The following SIPA1L2 variants were observed in gnomAD, a reference collection of about 807,000 sequenced individuals.
SIPA1L2 encodes signal induced proliferation associated 1 like 2, also known as signal-induced proliferation-associated 1-like protein 2.
SIPA1L2 carries 56 observed loss-of-function variants against 163.9 expected under a neutral mutation model. The observed-to-expected ratio is 0.34, with a 90% CI of 0.28 to 0.43. SIPA1L2 has a LOEUF of 0.43. SIPA1L2 is among the 20% of genes least tolerant of loss of function. The probability of loss-of-function intolerance (pLI) is 1.00; values close to 1 mark genes in which losing one functional copy is unlikely to be tolerated. For synonymous variants in SIPA1L2, 877 were observed against 865.7 expected (o/e 1.01, Z -0.23); for missense variants, 1,974 against 2,193.5 (o/e 0.90, Z 2.00).
intron 1 of SIPA1L2, among the ~76,000 whole-genome samples, chr1:232,620,291 G>T (rs765697801): frequency 2.6e-5 from 4 of 152,204 alleles, no homozygotes; most frequent in African/African-American, 4.8e-5. Context: ...GACAAGGAAA[G>T]CAAGTGCATA....
chr1:232,582,009 A>G (rs563530789), intron 1 of SIPA1L2, among the ~76,000 whole-genome samples: 1 of 152,356 alleles, frequency 6.6e-6, no homozygotes, highest in Admixed American at 6.5e-5. Context: ...ACTTCTTGAT[A>G]GATATGTCTG....
chr1:232,459,218 A>G lies in SIPA1L2; in HGVS notation c.3095+1669T>C, dbSNP rs573062453. On this transcript the variant is annotated intron_variant, in intron 10 of 22. Coordinates refer to ENST00000674635, the MANE Select transcript of SIPA1L2 (RefSeq NM_020808.5). ...GGCAGCCACTAGCAACACGTGGCCA[A>G]TTAAATGTAAATTAATTAAAAGGAA... 2.0e-5 allele frequency among the ~76,000 whole-genome samples: 3 copies of G among 152,372 alleles called. No homozygotes were observed. In the South Asian group the frequency reaches 6.2e-4, roughly 32 times the overall value.
intron 9 of SIPA1L2, among the ~76,000 whole-genome samples, chr1:232,461,449 C>T (rs1356529431): frequency 6.6e-6 from 1 of 152,224 alleles, no homozygotes; most frequent in Non-Finnish European, 1.5e-5. Context: ...ATACAGGTGT[C>T]CTGCTTTCTT....
chr1:232,406,748 C>T (rs554401040), intron 19 of SIPA1L2, among the ~76,000 whole-genome samples: 3 of 152,140 alleles, frequency 2.0e-5, no homozygotes, highest in Non-Finnish European at 4.4e-5. Flanking sequence ...GTCTGATCAA[C>T]GCGTCATGTC....
At chr1:232,478,605 G>A (rs772571294) in intron 7 of SIPA1L2, among the ~76,000 whole-genome samples, 1 of 152,122 alleles carries the variant, frequency 6.6e-6, no homozygotes, top group Non-Finnish European at 1.5e-5. Context: ...TGTAGTCCTT[G>A]GTGCTTTAAT....
chr1:232,490,550 G>C (rs1295995357), intron 5 of SIPA1L2: 2 of 243,800 alleles, frequency 8.2e-6, no homozygotes, highest in African/African-American at 4.6e-5. Flanking sequence ...TCAGGAAAAG[G>C]GCCATAAGAG....
At chr1:232,418,576 G>A (rs1049320283) in intron 18 of SIPA1L2, among the ~76,000 whole-genome samples, 1 of 152,154 alleles carries the variant, frequency 6.6e-6, no homozygotes, top group Non-Finnish European at 1.5e-5. Flanking sequence ...TACCCCCTAC[G>A]CAATGCATGC....
intron 2 of SIPA1L2, among the ~76,000 whole-genome samples, chr1:232,559,991 G>C (rs1339246139): frequency 6.6e-6 from 1 of 152,168 alleles, no homozygotes; most frequent in Non-Finnish European, 1.5e-5. Flanking sequence ...TTTCCTTCCT[G>C]TCGGTTCCCC....
chr1:232,491,867 A>C (rs902011479), intron 4 of SIPA1L2, among the ~76,000 whole-genome samples: 1 of 152,228 alleles, frequency 6.6e-6, no homozygotes, highest in Non-Finnish European at 1.5e-5. Flanking sequence ...ATCTGCAACG[A>C]GGACAATGTT....
At chr1:232,572,026 C>G (rs1359983279) in intron 2 of SIPA1L2, among the ~76,000 whole-genome samples, 1 of 152,224 alleles carries the variant, frequency 6.6e-6, no homozygotes, top group Admixed American at 6.5e-5. Flanking sequence ...TATTCCAGAA[C>G]TGCACTCATC....
intron 2 of SIPA1L2, among the ~76,000 whole-genome samples, chr1:232,520,118 T>C (rs1667396260): frequency 6.6e-6 from 1 of 152,238 alleles, no homozygotes; most frequent in East Asian, 1.9e-4. Flanking sequence ...AAAACAGATC[T>C]CTAGATTTTG....
chr1:232,448,436 T>A (rs1663344040), intron 10 of SIPA1L2, among the ~76,000 whole-genome samples: 1 of 152,208 alleles, frequency 6.6e-6, no homozygotes, highest in African/African-American at 2.4e-5. Flanking sequence ...GAACAAGGGA[T>A]CACTCTGTTA....
At chr1:232,421,936 C>T (rs1410353602) in intron 18 of SIPA1L2, among the ~76,000 whole-genome samples, 3 of 152,124 alleles carry the variant, frequency 2.0e-5, no homozygotes, top group Non-Finnish European at 1.5e-5. Flanking sequence ...TTTTGATCTC[C>T]GTTCCATAAA....
At chr1:232,620,907 A>C (rs114019634) in intron 1 of SIPA1L2, among the ~76,000 whole-genome samples, 3 of 152,238 alleles carry the variant, frequency 2.0e-5, no homozygotes, top group African/African-American at 7.2e-5. Flanking sequence ...TGTTGTAAGC[A>C]CTTATTCTTT....
chr1:232,510,280 A>G (rs1388310384), intron 3 of SIPA1L2, among the ~76,000 whole-genome samples: 1 of 152,128 alleles, frequency 6.6e-6, no homozygotes, highest in African/African-American at 2.4e-5. Context: ...TTGTGTAAGT[A>G]TACTCTATGA....
chr1:232,516,580 C>A (rs1171579169), intron 2 of SIPA1L2, among the ~76,000 whole-genome samples: 1 of 152,090 alleles, frequency 6.6e-6, no homozygotes, highest in Non-Finnish European at 1.5e-5. Flanking sequence ...CATTTTATTT[C>A]CTCCATTATG....
intron 1 of SIPA1L2, among the ~76,000 whole-genome samples, chr1:232,623,754 G>A (rs1159363082): frequency 1.3e-5 from 2 of 152,068 alleles, no homozygotes; most frequent in African/African-American, 4.8e-5. Context: ...GAAGAAAACA[G>A]GCCAAAGTCA....
At position 232,472,578 on chromosome 1, in the gene SIPA1L2, T is replaced by C. The variant is rs1490804919; in HGVS notation, c.2086-1050A>G. Among the ~76,000 whole-genome samples the C allele has an allele frequency of 3.3e-5, 5 of 152,232 alleles. No homozygotes were observed. The South Asian group carries it at 8.3e-4, about 25-fold the overall frequency. The stretch of plus-strand genomic sequence containing the variant: ...CACATAAAGGCACTCGGTAAGCTTA[T>C]GCAAGTGAAGGCATAGATTTGTGCT... On this transcript the variant is annotated intron_variant, in intron 7 of 22. Coordinates refer to ENST00000674635, the MANE Select transcript of SIPA1L2 (RefSeq NM_020808.5).
Position 232,399,145 on chromosome 1 carries a change from G to A in SIPA1L2, c.5151C>T (p.Thr1717=), listed in dbSNP as rs368169389. Residue 1717 remains threonine, a synonymous_variant, in exon 23 of 23, where the codon ACC becomes ACT. Coordinates refer to ENST00000674635, the MANE Select transcript of SIPA1L2 (RefSeq NM_020808.5). The part of the protein sequence containing the change: ...LRKFTEWFFT[T]IDKKS ...GGATTGGCTAAGATTTTTTGTCGAT[G>A]GTGGTGAAAAACCATTCTGTGAATT... 1.2e-6 allele frequency: 2 copies of A among 1,613,942 alleles called. No homozygotes were observed. Among genetic ancestry groups the A allele is most frequent in the Non-Finnish European group, 1.7e-6 (2 of 1,180,026 alleles).
Sources: allele counts gnomAD v4.1 joint callset (sites outside exome capture counted in the v4.1 genomes callset), GRCh38; gene constraint gnomAD v4.1.1; transcripts MANE v1.5; gene names NCBI Gene and HGNC (gene_info 2026-07-23, HGNC 2026-07-21).